TTC6: variants seen among roughly 807,000 people sequenced by gnomAD.
The protein encoded by TTC6 is tetratricopeptide repeat domain 6, also known as tetratricopeptide repeat protein 6.
In TTC6, 172 loss-of-function variants were observed where a neutral mutation model predicts 210.4. The ratio of observed to expected loss-of-function variants is 0.82; its 90% CI spans 0.72 to 0.93. The LOEUF (loss-of-function observed/expected upper bound fraction) is 0.93, where lower values mean the gene tolerates loss of function less well. TTC6 is among the 40% of genes least tolerant of loss of function. The probability of loss-of-function intolerance (pLI) is 0.00; values close to 1 mark genes in which losing one functional copy is unlikely to be tolerated. For missense variants in TTC6, 2,414 were observed against 2,318.1 expected, an observed-to-expected ratio of 1.04 and a Z score of -0.85; for synonymous variants, 804 against 819.6, an observed-to-expected ratio of 0.98 and a Z score of 0.32.
At chr14:37,757,805 T>C (rs2095972543) in intron 14 of TTC6, among the ~76,000 whole-genome samples, 1 of 152,220 alleles carries the variant, frequency 6.6e-6, no homozygotes, top group Non-Finnish European at 1.5e-5. Flanking sequence ...TGTTCCTGCT[T>C]TCTCTTGTGG....
chr14:37,838,197 A>G (rs1226996260), intron 29 of TTC6, among the ~76,000 whole-genome samples: 2 of 152,230 alleles, frequency 1.3e-5, no homozygotes, highest in African/African-American at 4.8e-5. Flanking sequence ...TAAATTGATT[A>G]GCAGGATGTC....
chr14:37,759,660 T>C (rs1197650141), intron 14 of TTC6, among the ~76,000 whole-genome samples: 1 of 152,234 alleles, frequency 6.6e-6, no homozygotes, highest in African/African-American at 2.4e-5. Context: ...TTTGGTCTTT[T>C]CACATAGTCC....
intron 14 of TTC6, among the ~76,000 whole-genome samples, chr14:37,763,612 T>C (rs932534068): frequency 2.0e-5 from 3 of 152,166 alleles, no homozygotes; most frequent in Non-Finnish European, 2.9e-5. Flanking sequence ...AGTATTCTTT[T>C]ACATAATACT....
chr14:37,659,509 GTTTTATTTTA>G (rs60653547), intron 1 of TTC6, among the ~76,000 whole-genome samples: 12 of 149,470 alleles, frequency 8.0e-5, no homozygotes, highest in East Asian at 2.0e-4. Context: ...TCTCGTTGTC[GTTTTATTTTA>G]TTTTATTTTA....
At chr14:37,653,070 C>A (rs575552621) in intron 1 of TTC6, among the ~76,000 whole-genome samples, 2 of 152,314 alleles carry the variant, frequency 1.3e-5, no homozygotes, top group African/African-American at 4.8e-5. Context: ...CAGGTAATCT[C>A]TCCTATTCTT....
At chr14:37,789,993 G>C (rs918792063) in intron 15 of TTC6, among the ~76,000 whole-genome samples, 5 of 152,054 alleles carry the variant, frequency 3.3e-5, no homozygotes, top group African/African-American at 1.2e-4. Context: ...AACATGTTTT[G>C]AAAGTGAAGG....
intron 1 of TTC6, among the ~76,000 whole-genome samples, chr14:37,676,629 C>G (rs2095770261): frequency 6.6e-6 from 1 of 152,008 alleles, no homozygotes; most frequent in South Asian, 2.1e-4. Flanking sequence ...ATCTAAGAAG[C>G]TATTGCCAAA....
At chr14:37,604,676 A>C (rs1206232188) in intron 1 of TTC6, among the ~76,000 whole-genome samples, 1 of 152,012 alleles carries the variant, frequency 6.6e-6, no homozygotes, top group African/African-American at 2.4e-5. Flanking sequence ...CCCGGGAAGG[A>C]GAGGGGAGAT....
intron 22 of TTC6, 135 bp from the exon 25 acceptor site, chr14:37,807,185 G>T (rs2096120122): frequency 2.5e-6 from 2 of 807,762 alleles, no homozygotes; most frequent in Non-Finnish European, 3.4e-6. Context: ...TCTAATAAAA[G>T]AAAAATTTTA....
chr14:37,757,985 C>T (rs922070848), intron 14 of TTC6, among the ~76,000 whole-genome samples: 1 of 152,146 alleles, frequency 6.6e-6, no homozygotes, highest in Non-Finnish European at 1.5e-5. Flanking sequence ...TGTAATTATG[C>T]GGTTTTAACT....
chr14:37,622,586 T>A, exon 1 of TTC6: 1 of 1,534,176 alleles, frequency 6.5e-7, no homozygotes, highest in Non-Finnish European at 8.7e-7. Context: ...GGCACGCGGC[T>A]CCCAGGCGGG....
chr14:37,609,870 T>C (rs1194441692), intron 2 of TTC6, among the ~76,000 whole-genome samples: 2 of 152,212 alleles, frequency 1.3e-5, no homozygotes, highest in Non-Finnish European at 2.9e-5. Context: ...CGGCTACTCC[T>C]ACACTTAGAG....
chr14:37,825,375 T>G (rs2096168383), intron 27 of TTC6, among the ~76,000 whole-genome samples: 1 of 152,158 alleles, frequency 6.6e-6, no homozygotes, highest in South Asian at 2.1e-4. Context: ...CTTGTTCCCT[T>G]AACAGTTGTA....
chr14:37,799,505 G>T (rs545867930), intron 20 of TTC6, among the ~76,000 whole-genome samples: 1 of 152,266 alleles, frequency 6.6e-6, no homozygotes, highest in South Asian at 2.1e-4. Context: ...GTGACCTTGA[G>T]TGTGAGTGGA....
intron 3 of TTC6, among the ~76,000 whole-genome samples, chr14:37,683,606 G>A (rs1282663691): frequency 6.6e-6 from 1 of 151,962 alleles, no homozygotes; most frequent in Non-Finnish European, 1.5e-5. Context: ...ATTACAGTAT[G>A]TTATAATTGT....
intron 26 of TTC6, among the ~76,000 whole-genome samples, chr14:37,821,063 C>CT (rs1289077869): frequency 6.9e-6 from 1 of 145,564 alleles, no homozygotes; most frequent in Non-Finnish European, 1.5e-5. Flanking sequence ...CTTCTTCTTT[C>CT]TTTTTTCCTT....
At chr14:37,735,096 A>C (rs1035327149) in intron 7 of TTC6, among the ~76,000 whole-genome samples, 5 of 152,150 alleles carry the variant, frequency 3.3e-5, no homozygotes, top group Non-Finnish European at 5.9e-5. Context: ...TTGTGCTATC[A>C]CTACTTTCTG....
Position 37,598,755 on chromosome 14 carries a change from T to C in TTC6, c.-235+2747T>C, listed in dbSNP as rs2095609447. Among the ~76,000 whole-genome samples the C allele has an allele frequency of 6.6e-6, 1 of 152,114 alleles. No individual in the cohort carries two copies. Among genetic ancestry groups the C allele is most frequent in the Admixed American group, 6.5e-5 (1 of 15,274 alleles). On this transcript the variant is annotated intron_variant, in intron 1 of 2. Transcript: ENST00000556845. This position sits in a 1 kb window ranked among gnomAD's most constrained non-coding sequence, Gnocchi z 4.9. ...CGCAGGGTTGGCAGACAGCAGGGCC[T>C]GGGCCGGCGGGGCTCTGCGGTGCCC... is the stretch of plus-strand genomic sequence containing the variant.
intron 1 of TTC6, among the ~76,000 whole-genome samples, chr14:37,672,991 AC>A (rs2095761424): frequency 1.3e-5 from 2 of 152,104 alleles, no homozygotes; most frequent in East Asian, 3.9e-4. Context: ...TTCTGTTAGG[AC>A]TTTGCATAAA....
Sources: gnomAD v4.1 joint callset for allele counts (sites outside exome capture counted in the v4.1 genomes callset) on GRCh38, gnomAD v4.1.1 for gene constraint, Gnocchi (gnomAD v3.1) non-coding constraint, MANE v1.5 for transcripts, NCBI Gene and HGNC (gene_info 2026-07-23, HGNC 2026-07-21) for gene names.